TMEM87B: variants seen among roughly 807,000 people sequenced by gnomAD.
TMEM87B encodes the protein transmembrane protein 87B.
Under a neutral mutation model 80.3 loss-of-function variants are expected in TMEM87B, and 83 were observed. The ratio of observed to expected loss-of-function variants is 1.03; its 90% CI spans 0.87 to 1.24. The LOEUF is 1.24. TMEM87B is among the 50% of genes most tolerant of loss of function. The pLI is 0.00. For missense variants in TMEM87B, 625 were observed against 674.4 expected, an observed-to-expected ratio of 0.93 and a Z score of 0.81; for synonymous variants, 219 against 230.5, an observed-to-expected ratio of 0.95 and a Z score of 0.45.
At chr2:112,059,404 A>G (rs1678177131) in intron 1 of TMEM87B, among the ~76,000 whole-genome samples, 1 of 151,674 alleles carries the variant, frequency 6.6e-6, no homozygotes. Flanking sequence ...GGAGCCAACT[A>G]GATGAACAAA....
chr2:112,082,427 GA>G (rs993955294), intron 8 of TMEM87B, among the ~76,000 whole-genome samples: 1 of 151,788 alleles, frequency 6.6e-6, no homozygotes, highest in Non-Finnish European at 1.5e-5. Context: ...AAATACTCTA[GA>G]AAAAAAATGA....
rs181386455 is a variant in TMEM87B, at chr2:112,101,442, T to C, written c.1450+747T>C. Among the ~76,000 whole-genome samples the C allele has an allele frequency of 2.7e-3, 409 of 152,296 alleles. 2 individuals are homozygous for C. Among genetic ancestry groups the C allele is most frequent in the African/African-American group, 9.4e-3 (390 of 41,568 alleles). ...ATAAAGAAAAAACTACAGTGGACCC[T>C]TGAACAATGTAGGGTTAGGGGCACC... is the stretch of plus-strand genomic sequence containing the variant. On this transcript the variant is annotated intron_variant, in intron 15 of 18. Coordinates refer to ENST00000283206, the MANE Select transcript of TMEM87B (RefSeq NM_032824.3).
chr2:112,080,463 G>A (rs971913277), intron 6 of TMEM87B, among the ~76,000 whole-genome samples: 5 of 150,456 alleles, frequency 3.3e-5, no homozygotes, highest in African/African-American at 4.9e-5. Flanking sequence ...GTTTCACCGT[G>A]TTAGCCAGGA....
chr2:112,082,905 A>C (rs1005346275), intron 8 of TMEM87B, among the ~76,000 whole-genome samples: 1 of 152,112 alleles, frequency 6.6e-6, no homozygotes, highest in Non-Finnish European at 1.5e-5. Context: ...ATCCTCAGGG[A>C]ATCTAAGCTG....
At chr2:112,099,555 T>TATATATACATAC (rs1019425429) in intron 14 of TMEM87B, among the ~76,000 whole-genome samples, 2 of 73,558 alleles carry the variant, frequency 2.7e-5, no homozygotes, top group African/African-American at 1.0e-4. Context: ...TATATATATA[T>TATATATACATAC]ACACACACAC....
In TMEM87B at chr2:112,095,156, T is replaced by C. The variant is rs540159674; in HGVS notation, c.1105-1888T>C. 3.8e-4 allele frequency: 352 copies of C among 926,616 alleles called. 1 individual carries two copies. The African/African-American group carries it at 4.6e-3, about 12-fold the overall frequency. The allele number at this position is 926,616 out of a possible 1,614,324, so 57.4% of individuals were successfully genotyped here. ...TTTCTCTTTCGTTTCTCTTTTCTTT[T>C]CTTTCTTTCTTTTTTTTTTTTTTTT... On this transcript the variant is annotated intron_variant, in intron 11 of 18. Transcript: ENST00000283206.
intron 17 of TMEM87B, among the ~76,000 whole-genome samples, chr2:112,108,180 T>TTG (rs1279748800): frequency 6.6e-6 from 1 of 152,148 alleles, no homozygotes; most frequent in East Asian, 1.9e-4. Context: ...GCACCATGTA[T>TTG]TGTGAGGAGG....
At chr2:112,074,667 C>T (rs185638888) in intron 4 of TMEM87B, among the ~76,000 whole-genome samples, 2 of 152,236 alleles carry the variant, frequency 1.3e-5, no homozygotes, top group East Asian at 3.9e-4. Flanking sequence ...TTTCAAGTTG[C>T]TTCCATTCTC....
At chr2:112,115,823 A>G (rs966937971) in intron 18 of TMEM87B, among the ~76,000 whole-genome samples, 4 of 152,136 alleles carry the variant, frequency 2.6e-5, no homozygotes, top group African/African-American at 9.7e-5. Flanking sequence ...TTTTATAAGG[A>G]TGAGGTCTCT....
rs1678006240 is a variant in TMEM87B, at chr2:112,055,347, C to T, written c.-245C>T. 2.0e-6 allele frequency: 1 copy of T among 508,738 alleles called. No individual in the cohort carries two copies. The highest frequency in any genetic ancestry group is 3.4e-6 in the Non-Finnish European group (1 of 292,694). The allele number at this position is 508,738 out of a possible 1,614,324, so 31.5% of individuals were successfully genotyped here. A position where few individuals can be genotyped will look rare whatever the true frequency, so the allele number is the denominator to read the frequency against. ...TCCACATCCTGGCTCCTATCTCTGC[C>T]TTCCAGGCATCTCCCAGCTGCACGC... is the stretch of plus-strand genomic sequence containing the variant. On this transcript the variant is annotated 5_prime_UTR_variant, in exon 1 of 19. Coordinates refer to ENST00000283206, the MANE Select transcript of TMEM87B (RefSeq NM_032824.3).
At chr2:112,090,658 T>C (rs748149095) in intron 10 of TMEM87B, among the ~76,000 whole-genome samples, 5 of 152,192 alleles carry the variant, frequency 3.3e-5, no homozygotes, top group Non-Finnish European at 5.9e-5. Flanking sequence ...AGTTCCTGGC[T>C]GGCCTCAAGT....
chr2:112,109,785 G>A lies in TMEM87B; in HGVS notation c.1577+1945G>A, dbSNP rs143952702. On this transcript the variant is annotated intron_variant, in intron 17 of 18. Coordinates refer to ENST00000283206, the MANE Select transcript of TMEM87B (RefSeq NM_032824.3). ...TTTTTTTTTTTTTTTTTTTTGAGAC[G>A]GAGTCTTGCTCTTTCACCCAGGGTG... Among the ~76,000 whole-genome samples, 16 of 127,830 alleles carry A rather than the reference G, an allele frequency of 1.3e-4. 1 individual carries two copies. Among genetic ancestry groups the A allele is most frequent in the African/African-American group, 2.5e-4 (8 of 32,078 alleles). The allele number at this position is 127,830 out of a possible 152,430, so 83.9% of individuals were successfully genotyped here. A position where few individuals can be genotyped will look rare whatever the true frequency, so the allele number is the denominator to read the frequency against.
Position 112,102,644 on chromosome 2 carries a change from A to C in TMEM87B, c.1450+1949A>C, listed in dbSNP as rs554545816. 6.2e-4 allele frequency among the ~76,000 whole-genome samples: 94 copies of C among 152,226 alleles called. 1 individual carries two copies. In the Middle Eastern group the frequency reaches 0.017, roughly 28 times the overall value. ...AGGAGGCAGAGTTTGCAGTGAGCCA[A>C]GCCACTGCACGCCAGCCTGGACAAC... On this transcript the variant is annotated intron_variant, in intron 15 of 18. Coordinates refer to ENST00000283206, the MANE Select transcript of TMEM87B (RefSeq NM_032824.3).
In TMEM87B at chr2:112,085,825, G is replaced by A. The variant is rs79153753; in HGVS notation, c.839-180G>A. On this transcript the variant is annotated intron_variant, in intron 8 of 18. Coordinates refer to ENST00000283206, the MANE Select transcript of TMEM87B (RefSeq NM_032824.3). ...TAGATAGGGAGTGAATTCTTGAGGC[G>A]AGTATGAATCCTTCACTGAAGTTTT... Among the ~76,000 whole-genome samples the A allele has an allele frequency of 3.7e-3, 569 of 152,316 alleles. 2 individuals are homozygous for A. The highest frequency in any genetic ancestry group is 0.02 in the Middle Eastern group (6 of 294).
intron 4 of TMEM87B, among the ~76,000 whole-genome samples, chr2:112,071,780 C>G (rs1276913443): frequency 6.6e-6 from 1 of 152,104 alleles, no homozygotes; most frequent in Non-Finnish European, 1.5e-5. Context: ...TTATTTCTTT[C>G]TCTTACTTGA....
At chr2:112,085,293 G>C (rs1309968353) in intron 8 of TMEM87B, among the ~76,000 whole-genome samples, 1 of 152,194 alleles carries the variant, frequency 6.6e-6, no homozygotes, top group Admixed American at 6.5e-5. Context: ...AGCATAGTTT[G>C]CTTTTCCTCT....
At position 112,078,877 on chromosome 2, in the gene TMEM87B, G is replaced by T. The variant is rs1010688150; in HGVS notation, c.592+1595G>T. 2.6e-5 allele frequency among the ~76,000 whole-genome samples: 4 copies of T among 152,312 alleles called. No homozygotes were observed. In the East Asian group the frequency reaches 7.7e-4, roughly 29 times the overall value. On this transcript the variant is annotated intron_variant, in intron 6 of 18. Transcript: ENST00000283206. ...AAATTAGCAAGGGGGCCAGTCTGAG[G>T]TCTTGTTTGGTAGCTGGGACTACTG...
At chr2:112,110,672 G>A (rs1047561083) in intron 17 of TMEM87B, among the ~76,000 whole-genome samples, 1 of 152,104 alleles carries the variant, frequency 6.6e-6, no homozygotes, top group African/African-American at 2.4e-5. Context: ...TTGATGGTAT[G>A]GAGTAGGAGA....
At chr2:112,105,514 T>C (rs1428212197) in intron 15 of TMEM87B, among the ~76,000 whole-genome samples, 1 of 152,208 alleles carries the variant, frequency 6.6e-6, no homozygotes, top group African/African-American at 2.4e-5. Context: ...TAGCCTTTGC[T>C]CCACTGAAAC....
Sources: gnomAD v4.1 joint callset for allele counts (sites outside exome capture counted in the v4.1 genomes callset) on GRCh38, gnomAD v4.1.1 for gene constraint, MANE v1.5 for transcripts, NCBI Gene and HGNC (gene_info 2026-07-23, HGNC 2026-07-21) for gene names.